The following TBC1D4 variants were observed in gnomAD, a reference collection of about 807,000 sequenced individuals.
TBC1D4 encodes TBC (Tre-2, BUB2, CDC16) domain-containing protein.
Under a neutral mutation model 142.5 loss-of-function variants are expected in TBC1D4, and 121 were observed. That is an observed-to-expected ratio of 0.85 (90% CI 0.73 to 0.99). The LOEUF is 0.99. TBC1D4 is among the 50% of genes least tolerant of loss of function. The probability of loss-of-function intolerance (pLI) is 0.00; values close to 1 mark genes in which losing one functional copy is unlikely to be tolerated. For synonymous variants in TBC1D4, 630 were observed against 628.2 expected (o/e 1.00, Z -0.04); for missense variants, 1,475 against 1,606.6 (o/e 0.92, Z 1.40).
At chr13:75,430,853 A>T (rs1461559935) in intron 1 of TBC1D4, among the ~76,000 whole-genome samples, 1 of 152,030 alleles carries the variant, frequency 6.6e-6, no homozygotes, top group Non-Finnish European at 1.5e-5. Flanking sequence ...TCCATCCCTG[A>T]GTGTGTCTGC....
chr13:75,327,300 T>C (rs1055070769), intron 9 of TBC1D4, among the ~76,000 whole-genome samples: 3 of 152,124 alleles, frequency 2.0e-5, no homozygotes, highest in Non-Finnish European at 4.4e-5. Flanking sequence ...TCAGGTGACA[T>C]ACTGCACTAC....
chr13:75,354,481 T>A (rs1217454650), intron 4 of TBC1D4, among the ~76,000 whole-genome samples: 1 of 152,136 alleles, frequency 6.6e-6, no homozygotes, highest in African/African-American at 2.4e-5. Context: ...CAATAGGATT[T>A]GATGAACAAC....
At chr13:75,440,273 G>T (rs1886980005) in intron 1 of TBC1D4, among the ~76,000 whole-genome samples, 1 of 152,132 alleles carries the variant, frequency 6.6e-6, no homozygotes, top group African/African-American at 2.4e-5. Context: ...TTCAAAGGGG[G>T]AGCAGAACCC....
In TBC1D4 at chr13:75,327,656, T is replaced by G. The variant is rs1879376801; in HGVS notation, c.1806+96A>C. ...CAAATATTTATTTTTTAAAAAGCTA[T>G]AAAGCATTCATAATAAAAAATGGAG... On this transcript the variant is annotated intron_variant, in intron 9 of 20. Coordinates refer to ENST00000377636, the MANE Select transcript of TBC1D4 (RefSeq NM_014832.5). 3 of 1,137,844 alleles carry G rather than the reference T, an allele frequency of 2.6e-6. No homozygotes were observed. The Admixed American group carries it at 5.1e-5, about 19-fold the overall frequency. The allele number at this position is 1,137,844 out of a possible 1,614,324, so 70.5% of individuals were successfully genotyped here.
chr13:75,378,849 T>C (rs1883663289), intron 1 of TBC1D4, among the ~76,000 whole-genome samples: 1 of 152,134 alleles, frequency 6.6e-6, no homozygotes, highest in African/African-American at 2.4e-5. Context: ...CATATCCAGC[T>C]GAAGAAAATA....
intron 9 of TBC1D4, among the ~76,000 whole-genome samples, chr13:75,327,249 T>A (rs542093900): frequency 6.6e-6 from 1 of 152,274 alleles, no homozygotes; most frequent in African/African-American, 2.4e-5. Flanking sequence ...AACAGAAATA[T>A]TTTAATATAT....
At chr13:75,435,258 A>G (rs978148727) in intron 1 of TBC1D4, among the ~76,000 whole-genome samples, 1 of 151,460 alleles carries the variant, frequency 6.6e-6, no homozygotes, top group Non-Finnish European at 1.5e-5. Flanking sequence ...TATCCCAGGA[A>G]TCGCTTGAAC....
chr13:75,311,613 G>GA (rs1234277592), intron 13 of TBC1D4, among the ~76,000 whole-genome samples: 6 of 151,976 alleles, frequency 3.9e-5, no homozygotes, highest in African/African-American at 1.4e-4. Context: ...CTGCTCCCTA[G>GA]ATCCGTTTCA....
chr13:75,479,508 G>A (rs1888747206), intron 1 of TBC1D4, among the ~76,000 whole-genome samples: 1 of 151,940 alleles, frequency 6.6e-6, no homozygotes, highest in Non-Finnish European at 1.5e-5. Flanking sequence ...ATGAGACCAA[G>A]AGGAACTCAA....
At chr13:75,291,578 C>T (rs1019109753) in intron 19 of TBC1D4, among the ~76,000 whole-genome samples, 8 of 152,164 alleles carry the variant, frequency 5.3e-5, no homozygotes, top group Non-Finnish European at 8.8e-5. Flanking sequence ...ACTGAAGCTT[C>T]ATAAAACCTC....
chr13:75,375,815 T>C (rs980211651), intron 1 of TBC1D4: 1 of 139,000 alleles, frequency 7.2e-6, no homozygotes, highest in Non-Finnish European at 1.5e-5. Context: ...TAAGGAAGGT[T>C]TCTTAAGCAA....
chr13:75,302,189 A>G, intron 16 of TBC1D4, 54 bp downstream of exon 16: 2 of 1,610,586 alleles, frequency 1.2e-6, no homozygotes, highest in South Asian at 2.2e-5. Flanking sequence ...AAAAAACTTA[A>G]CAGAGGGATC....
chr13:75,373,681 A>G (rs2138221486), intron 1 of TBC1D4, among the ~76,000 whole-genome samples: 1 of 152,262 alleles, frequency 6.6e-6, no homozygotes, highest in Admixed American at 6.5e-5. Context: ...GGAATGAAAA[A>G]TTAATCCTAT....
At chr13:75,467,957 G>GT (rs1218922593) in intron 1 of TBC1D4, among the ~76,000 whole-genome samples, 8 of 151,984 alleles carry the variant, frequency 5.3e-5, no homozygotes, top group Non-Finnish European at 8.8e-5. Context: ...ATTGGCCACA[G>GT]TTTTTTTTCT....
At chr13:75,398,594 T>C (rs1041189448) in intron 1 of TBC1D4, among the ~76,000 whole-genome samples, 5 of 152,080 alleles carry the variant, frequency 3.3e-5, no homozygotes, top group African/African-American at 1.2e-4. Flanking sequence ...TAACTGCCTG[T>C]GATAAAGTAT....
intron 11 of TBC1D4, among the ~76,000 whole-genome samples, chr13:75,322,846 G>A (rs907972480): frequency 2.0e-5 from 3 of 151,998 alleles, no homozygotes; most frequent in African/African-American, 7.2e-5. Flanking sequence ...TACTAGTTTT[G>A]TGGCTATTTC....
chr13:75,319,553 G>A (rs1250354687), intron 12 of TBC1D4, among the ~76,000 whole-genome samples: 1 of 152,168 alleles, frequency 6.6e-6, no homozygotes, highest in African/African-American at 2.4e-5. Context: ...AACGTGACAG[G>A]AATTTAGGTG....
chr13:75,318,245 CCAGTCTTGCAAAGGTGG>C (rs142638482), intron 12 of TBC1D4, among the ~76,000 whole-genome samples: 3,216 of 152,276 alleles, frequency 0.021, 118 homozygotes, highest in African/African-American at 0.073. Flanking sequence ...TCTGTCAGGA[CCAGTCTTGCAAAGGTGG>C]TGTTATACTG....
chr13:75,468,024 T>C (rs923513082), intron 1 of TBC1D4, among the ~76,000 whole-genome samples: 2 of 152,180 alleles, frequency 1.3e-5, no homozygotes, highest in African/African-American at 4.8e-5. Context: ...ATTTCCCTTT[T>C]TGATTTCAAA....
Sources: allele counts gnomAD v4.1 joint callset (sites outside exome capture counted in the v4.1 genomes callset), GRCh38; gene constraint gnomAD v4.1.1; transcripts MANE v1.5; gene names NCBI Gene and HGNC (gene_info 2026-07-23, HGNC 2026-07-21).